Variants in PDLIM3 observed in about 807,000 individuals in gnomAD.
The protein encoded by PDLIM3 is PDZ and LIM domain protein 3.
In PDLIM3, 36 loss-of-function variants were observed where a neutral mutation model predicts 37.3. The observed-to-expected ratio is 0.97, with a 90% CI of 0.74 to 1.28. The LOEUF (loss-of-function observed/expected upper bound fraction) is 1.28. Among genes scored for constraint, PDLIM3 ranks in the 50% most tolerant of loss-of-function variants. The probability of loss-of-function intolerance (pLI) is 0.00; values close to 1 mark genes in which losing one functional copy is unlikely to be tolerated. For missense variants in PDLIM3, 454 were observed against 485.0 expected (o/e 0.94, Z 0.60); for synonymous variants, 174 against 182.4 (o/e 0.95, Z 0.37).
Position 185,504,422 on chromosome 4 carries a change from A to G in PDLIM3, c.905+53T>C. 3 of 1,437,786 alleles carry G rather than the reference A, an allele frequency of 2.1e-6. No homozygotes were observed. In the Admixed American group the frequency reaches 5.1e-5, roughly 24 times the overall value. 89.1% of individuals were successfully genotyped at this position (1,437,786 alleles called of 1,614,324 possible). On this transcript the variant is annotated intron_variant, in intron 7 of 7. Coordinates refer to ENST00000284767, the MANE Select transcript of PDLIM3 (RefSeq NM_014476.6). The surrounding 1 kb of genome is among the most constrained non-coding windows in gnomAD (Gnocchi z 4.7). ...TCTATAAAGTCTTAAAGGAGAAGAA[A>G]TGAACTGTCGCCAAGCTGTATCGTA...
At position 185,514,747 on chromosome 4, in the gene PDLIM3, C is replaced by T. The variant is rs117627221; in HGVS notation, c.331-410G>A. ...TGAGACCCCGCAGCTGTCCGTGAAG[C>T]GCATCTTGTATATTGCTAGTTGAAT... On this transcript the variant is annotated intron_variant, in intron 3 of 7. Coordinates refer to ENST00000284767, the MANE Select transcript of PDLIM3 (RefSeq NM_014476.6). The surrounding 1 kb of genome is among the most constrained non-coding windows in gnomAD (Gnocchi z 4.0). 1.8e-5 allele frequency: 28 copies of T among 1,552,090 alleles called. No homozygotes were observed. In the East Asian group the frequency reaches 6.6e-4, roughly 37 times the overall value.
At chr4:185,515,045 T>C (rs2095712899) in intron 3 of PDLIM3, 2 of 573,298 alleles carry the variant, frequency 3.5e-6, no homozygotes, top group East Asian at 2.9e-5. Flanking sequence ...AACTTTTCCA[T>C]GGTTTTCTCT....
Position 185,504,395 on chromosome 4 carries a change from A to T in PDLIM3, c.905+80T>A. 3 of 1,197,282 alleles carry T rather than the reference A, an allele frequency of 2.5e-6. No homozygotes were observed. Among genetic ancestry groups the T allele is most frequent in the Non-Finnish European group, 3.7e-6 (3 of 821,178 alleles). The allele number at this position is 1,197,282 out of a possible 1,614,324, so 74.2% of individuals were successfully genotyped here. On this transcript the variant is annotated intron_variant, in intron 7 of 7. Transcript: ENST00000284767. The surrounding 1 kb of genome is among the most constrained non-coding windows in gnomAD (Gnocchi z 4.7). The stretch of plus-strand genomic sequence containing the variant: ...AAATTTGGTTTTCACAGTTGCCTTT[A>T]GTCTATAAAGTCTTAAAGGAGAAGA...
chr4:185,513,186 T>C (rs2095709413), intron 4 of PDLIM3: 2 of 985,362 alleles, frequency 2.0e-6, no homozygotes, highest in Non-Finnish European at 2.4e-6. Context: ...GGGGGGAAGA[T>C]GTGTTTGCTC....
intron 2 of PDLIM3, among the ~76,000 whole-genome samples, chr4:185,524,473 G>T (rs923237662): frequency 6.6e-6 from 1 of 152,170 alleles, no homozygotes; most frequent in Admixed American, 6.5e-5. Context: ...AGTGTTTTTG[G>T]GGGGTGGGGT....
At chr4:185,525,628 TTA>T (rs964872410) in intron 1 of PDLIM3, among the ~76,000 whole-genome samples, 7 of 152,200 alleles carry the variant, frequency 4.6e-5, no homozygotes, top group African/African-American at 1.7e-4. Flanking sequence ...AATGGACTTT[TTA>T]TCTCCCCCCA....
In PDLIM3 at chr4:185,513,617, A is replaced by G. The variant is rs7661089; in HGVS notation, c.398+653T>C. 1.7e-3 allele frequency: 1,639 copies of G among 987,380 alleles called. 16 individuals are homozygous for G. In the African/African-American group the frequency reaches 0.024, roughly 15 times the overall value. The allele number at this position is 987,380 out of a possible 1,614,324, so 61.2% of individuals were successfully genotyped here. ...CAACAGCTGCGGTAAATCATATTCA[A>G]TGTTCCTGTCGGAATCAATCCGGTC... is the stretch of plus-strand genomic sequence containing the variant. On this transcript the variant is annotated intron_variant, in intron 4 of 7. Transcript: ENST00000284767.
chr4:185,518,436 T>C (rs529989254), intron 3 of PDLIM3, among the ~76,000 whole-genome samples: 7 of 151,986 alleles, frequency 4.6e-5, no homozygotes, highest in Non-Finnish European at 7.4e-5. Flanking sequence ...TATACACACA[T>C]ATATGTATAC....
chr4:185,535,287 C>G (rs1226656400), intron 1 of PDLIM3, 55 bp downstream of exon 1: 8 of 1,479,946 alleles, frequency 5.4e-6, no homozygotes, highest in Non-Finnish European at 7.4e-6. Context: ...CTGCGTCCCC[C>G]CGGACGCCGC....
chr4:185,531,596 T>G (rs2095744459), intron 1 of PDLIM3, among the ~76,000 whole-genome samples: 1 of 152,176 alleles, frequency 6.6e-6, no homozygotes, highest in Non-Finnish European at 1.5e-5. Context: ...TCCTACAAAC[T>G]CTGGTTGGAG....
Position 185,504,646 on chromosome 4 carries a change from G to T in PDLIM3, c.794-60C>A. On this transcript the variant is annotated intron_variant, in intron 6 of 7. Coordinates refer to ENST00000284767, the MANE Select transcript of PDLIM3 (RefSeq NM_014476.6). This position sits in a 1 kb window ranked among gnomAD's most constrained non-coding sequence, Gnocchi z 4.7. ...AACAGCTGGCCGCAGCCTGTGCTTG[G>T]CTTCTATTTTAAAGTGTGCACTTTA... The T allele has an allele frequency of 7.3e-7, 1 of 1,365,612 alleles. No homozygotes were observed. The highest frequency in any genetic ancestry group is 1.0e-6 in the Non-Finnish European group (1 of 969,256). 84.6% of individuals were successfully genotyped at this position (1,365,612 alleles called of 1,614,324 possible). A position where few individuals can be genotyped will look rare whatever the true frequency, so the allele number is the denominator to read the frequency against.
rs2095712284 is a variant in PDLIM3 at position 185,514,771 on chromosome 4, A to C, written c.331-434T>G. On this transcript the variant is annotated intron_variant, in intron 3 of 7. Transcript: ENST00000284767. This position sits in a 1 kb window ranked among gnomAD's most constrained non-coding sequence, Gnocchi z 4.0. The stretch of plus-strand genomic sequence containing the variant: ...GCGCATCTTGTATATTGCTAGTTGA[A>C]TAGAGCCCAATTGGCGAGTTATAGG... The C allele has an allele frequency of 6.4e-7, 1 of 1,552,000 alleles. No individual in the cohort carries two copies. The highest frequency in any genetic ancestry group is 2.4e-5 in the East Asian group (1 of 40,926).
At chr4:185,523,487 G>A in intron 2 of PDLIM3, 41 bp from the exon 3 acceptor site, 2 of 1,232,398 alleles carry the variant, frequency 1.6e-6, no homozygotes, top group Non-Finnish European at 1.2e-6. Context: ...AATTCTAATG[G>A]TACTTTCAGT....
intron 3 of PDLIM3, among the ~76,000 whole-genome samples, chr4:185,521,951 T>C (rs1256112994): frequency 1.5e-5 from 1 of 66,278 alleles, no homozygotes; most frequent in African/African-American, 2.7e-5. Flanking sequence ...CTCACTCCTT[T>C]TGGGGCTTAT....
chr4:185,535,192 C>A (rs984272990), intron 1 of PDLIM3, 150 bp downstream of exon 1: 2 of 614,832 alleles, frequency 3.3e-6, no homozygotes, highest in Non-Finnish European at 5.5e-6. Context: ...GCCCCCGGAG[C>A]TGGGCGCCGA....
intron 3 of PDLIM3, chr4:185,515,333 G>A (rs2153335897): frequency 6.6e-6 from 1 of 152,464 alleles, no homozygotes; most frequent in Middle Eastern, 3.4e-3. Context: ...CCCATTTTGA[G>A]ACATGAGGGA....
At chr4:185,535,269 G>C (rs1363721180) in intron 1 of PDLIM3, 73 bp downstream of exon 1, 2 of 1,352,780 alleles carry the variant, frequency 1.5e-6, no homozygotes, top group East Asian at 5.2e-5. Flanking sequence ...TCGGCCCCGG[G>C]GCATCCACTG....
chr4:185,506,629 G>T lies in PDLIM3; in HGVS notation c.686C>A (p.Pro229His), dbSNP rs1356446915. ...LMSEPTASVP[P>H]ESDVYRMLHD... ...GAGCATCCGGTACACGTCCGACTCGGGGGGCACCGAGGCTGTGGGCTCGCT... is the reference window on the plus strand; with the variant it reads ...GAGCATCCGGTACACGTCCGACTCGTGGGGCACCGAGGCTGTGGGCTCGCT... Residue 229 changes from proline to histidine, a missense_variant, in exon 6 of 8, where the codon CCC becomes CAC. Physicochemically the swap from Pro to His is moderately conservative, Grantham distance 77. Transcript: ENST00000284767. The T allele has an allele frequency of 6.2e-7, 1 of 1,607,326 alleles. No individual in the cohort carries two copies.
Position 185,502,108 on chromosome 4 carries a change from T to G in PDLIM3, c.*186A>C. 1.5e-6 allele frequency: 1 copy of G among 658,788 alleles called. No homozygotes were observed. The highest frequency in any genetic ancestry group is 1.8e-5 in the South Asian group (1 of 55,780). The allele number at this position is 658,788 out of a possible 1,614,324, so 40.8% of individuals were successfully genotyped here. The stretch of plus-strand genomic sequence containing the variant: ...TGCAAAACATAGCTAAGTGTATGTT[T>G]TTTTCACATAGCAGGCATTTGCCTC... On this transcript the variant is annotated 3_prime_UTR_variant, in exon 8 of 8. Coordinates refer to ENST00000284767, the MANE Select transcript of PDLIM3 (RefSeq NM_014476.6).
Sources: gnomAD v4.1 joint callset for allele counts (sites outside exome capture counted in the v4.1 genomes callset) on GRCh38, gnomAD v4.1.1 for gene constraint, Gnocchi (gnomAD v3.1) non-coding constraint, MANE v1.5 for transcripts, NCBI Gene and HGNC (gene_info 2026-07-23, HGNC 2026-07-21) for gene names.